The following FBXO34 variants were observed in gnomAD, a reference collection of about 807,000 sequenced individuals.
The protein encoded by FBXO34 is F-box only protein 34.
FBXO34 carries 12 observed loss-of-function variants against 24.5 expected under a neutral mutation model. That is an observed-to-expected ratio of 0.49 (90% CI 0.31 to 0.79). FBXO34 has a LOEUF of 0.79. Ranked by LOEUF, FBXO34 falls within the 30% of genes least tolerant of loss-of-function variation. FBXO34 has a pLI of 0.04. For missense variants in FBXO34, 823 were observed against 857.7 expected (o/e 0.96, Z 0.51); for synonymous variants, 320 against 311.9 (o/e 1.03, Z -0.27).
intron 1 of FBXO34, among the ~76,000 whole-genome samples, chr14:55,325,374 T>C (rs1224437943): frequency 1.3e-5 from 2 of 152,248 alleles, no homozygotes; most frequent in African/African-American, 4.8e-5. Context: ...CTGAAAGATC[T>C]GCAGTGCTAA....
the FBXO34 span, chr14:55,440,320 G>A: frequency 1.3e-5 from 21 of 1,558,298 alleles, no homozygotes; most frequent in South Asian, 5.8e-5. Context: ...GTTTTAAGAG[G>A]AACGAAGGCA....
the FBXO34 span, chr14:55,440,553 C>A: frequency 6.3e-7 from 1 of 1,585,122 alleles, no homozygotes; most frequent in Non-Finnish European, 8.6e-7. Flanking sequence ...CATTTATGAG[C>A]CTGGGGGCAG....
intron 1 of FBXO34, among the ~76,000 whole-genome samples, chr14:55,303,478 A>G (rs1217208197): frequency 6.6e-6 from 1 of 152,154 alleles, no homozygotes; most frequent in Non-Finnish European, 1.5e-5. Flanking sequence ...AGAGTCTTAT[A>G]TGTGTAAATG....
At chr14:55,293,046 C>A (rs1881995047) in intron 1 of FBXO34, among the ~76,000 whole-genome samples, 1 of 152,100 alleles carries the variant, frequency 6.6e-6, no homozygotes. Flanking sequence ...CCACACCCGG[C>A]TAATTTTTGT....
At chr14:55,290,951 C>G (rs1051947621) in intron 1 of FBXO34, among the ~76,000 whole-genome samples, 6 of 152,124 alleles carry the variant, frequency 3.9e-5, no homozygotes, top group African/African-American at 1.4e-4. Flanking sequence ...ACCTGAGTAG[C>G]TGGGATTACA....
chr14:55,394,859 C>A, the FBXO34 span: 31 of 337,978 alleles, frequency 9.2e-5, 1 homozygote, highest in African/African-American at 3.5e-4. Context: ...AAGCTGACAC[C>A]CAAGACAGTA....
the FBXO34 span, chr14:55,440,543 C>T: frequency 6.3e-7 from 1 of 1,598,214 alleles, no homozygotes; most frequent in Non-Finnish European, 8.5e-7. Flanking sequence ...GCGCAGAGGC[C>T]ATTTATGAGC....
At chr14:55,366,282 ACTT>A (rs1181944207), downstream of FBXO34, 34 of 152,512 alleles carry the variant, frequency 2.2e-4, no homozygotes, top group Admixed American at 1.8e-3. Flanking sequence ...AATTCTACAA[ACTT>A]CTTCTATAAT....
the FBXO34 span, chr14:55,386,045 C>A: frequency 4.3e-6 from 7 of 1,613,946 alleles, no homozygotes; most frequent in Non-Finnish European, 5.9e-6. Context: ...CCGTTGTGCT[C>A]GACTGTAAAG....
At chr14:55,424,392 T>C in the FBXO34 span, 1 of 566,780 alleles carries the variant, frequency 1.8e-6, no homozygotes, top group Non-Finnish European at 3.2e-6. Context: ...TTTTTAACTA[T>C]CTTGATGAAG....
At chr14:55,369,680 A>G, downstream of FBXO34, 3 of 1,585,388 alleles carry the variant, frequency 1.9e-6, no homozygotes, top group Non-Finnish European at 2.6e-6. Context: ...AGAGGAGATC[A>G]TCCCACCTGC....
intron 1 of FBXO34, among the ~76,000 whole-genome samples, chr14:55,327,977 A>T (rs1466931102): frequency 9.1e-6 from 1 of 109,702 alleles, no homozygotes; most frequent in African/African-American, 3.6e-5. Flanking sequence ...CCCAGGCTGG[A>T]GTGTGGTGGT....
At chr14:55,429,037 T>C in the FBXO34 span, 2 of 1,569,408 alleles carry the variant, frequency 1.3e-6, no homozygotes, top group Non-Finnish European at 1.7e-6. Flanking sequence ...CTACTGGTGT[T>C]GTATTGGATT....
the FBXO34 span, among the ~76,000 whole-genome samples, chr14:55,430,562 C>T: frequency 1.3e-5 from 2 of 152,040 alleles, no homozygotes; most frequent in African/African-American, 2.4e-5. Flanking sequence ...CACCACCACA[C>T]CTGCCTAAAT....
intron 1 of FBXO34, among the ~76,000 whole-genome samples, chr14:55,281,921 T>C (rs1333854624): frequency 1.3e-5 from 2 of 151,906 alleles, no homozygotes; most frequent in African/African-American, 4.8e-5. Context: ...AGCTGGGCTA[T>C]GTAAATTTGT....
At chr14:55,429,501 C>T in the FBXO34 span, among the ~76,000 whole-genome samples, 1 of 152,140 alleles carries the variant, frequency 6.6e-6, no homozygotes, top group African/African-American at 2.4e-5. Flanking sequence ...CAGTGGCTCA[C>T]GCCTGTAATC....
At chr14:55,284,513 CAAAAAAA>C (rs777112072) in intron 1 of FBXO34, among the ~76,000 whole-genome samples, 1 of 84,160 alleles carries the variant, frequency 1.2e-5, no homozygotes, top group Non-Finnish European at 2.4e-5. Context: ...CCTCTGTCTC[CAAAAAAA>C]AAAAAAAAAA....
chr14:55,372,622 CCTTT>C (rs1416072700), downstream of FBXO34, among the ~76,000 whole-genome samples: 2 of 152,020 alleles, frequency 1.3e-5, no homozygotes, highest in Non-Finnish European at 2.9e-5. Flanking sequence ...TCCCTCCCTT[CCTTT>C]CTTCCCCAGT....
the FBXO34 span, among the ~76,000 whole-genome samples, chr14:55,418,440 C>A: frequency 5.9e-5 from 9 of 152,192 alleles, no homozygotes; most frequent in Non-Finnish European, 8.8e-5. Flanking sequence ...ATGCCACAGT[C>A]GTGTGTGTAT....
Sources: gnomAD v4.1 joint callset for allele counts (sites outside exome capture counted in the v4.1 genomes callset) on GRCh38, gnomAD v4.1.1 for gene constraint, MANE v1.5 for transcripts, NCBI Gene and HGNC (gene_info 2026-07-23, HGNC 2026-07-21) for gene names.